Variants in HS2ST1 observed in about 807,000 individuals in gnomAD.
HS2ST1 encodes 2-O-sulfotransferase.
HS2ST1 carries 18 observed loss-of-function variants against 42.9 expected under a neutral mutation model. The ratio of observed to expected loss-of-function variants is 0.42; its 90% CI spans 0.29 to 0.62. The LOEUF (loss-of-function observed/expected upper bound fraction) is 0.62, where lower values mean the gene tolerates loss of function less well. Ranked by LOEUF, HS2ST1 falls within the 20% of genes least tolerant of loss-of-function variation. The pLI is 0.21. For synonymous variants in HS2ST1, 146 were observed against 152.9 expected, an observed-to-expected ratio of 0.95 and a Z score of 0.33; for missense variants, 334 against 433.8, an observed-to-expected ratio of 0.77 and a Z score of 2.04.
chr1:87,002,177 G>C (rs1201050038), intron 1 of HS2ST1, among the ~76,000 whole-genome samples: 1 of 152,194 alleles, frequency 6.6e-6, no homozygotes. Flanking sequence ...CTCCCAAAGT[G>C]CTGGGATTAC....
At chr1:87,019,250 C>T (rs754886043) in intron 1 of HS2ST1, among the ~76,000 whole-genome samples, 53 of 152,140 alleles carry the variant, frequency 3.5e-4, no homozygotes, top group Non-Finnish European at 6.3e-4. Flanking sequence ...AAGCAGGTTG[C>T]AGGTATCACA....
At chr1:87,000,004 C>T (rs1649235249) in intron 1 of HS2ST1, among the ~76,000 whole-genome samples, 2 of 152,020 alleles carry the variant, frequency 1.3e-5, no homozygotes, top group South Asian at 2.1e-4. Context: ...GCAAGTACAC[C>T]TTGCCTGTTG....
At chr1:86,974,303 T>A (rs1228500373) in intron 1 of HS2ST1, among the ~76,000 whole-genome samples, 7 of 152,130 alleles carry the variant, frequency 4.6e-5, no homozygotes, top group Non-Finnish European at 7.3e-5. Flanking sequence ...TGATGAATGC[T>A]AAAAATTATT....
intron 1 of HS2ST1, among the ~76,000 whole-genome samples, chr1:87,012,389 G>A (rs1649626518): frequency 6.6e-6 from 1 of 152,016 alleles, no homozygotes; most frequent in Non-Finnish European, 1.5e-5. Context: ...CTTGTGCAGG[G>A]GACAAGCTCT....
intron 1 of HS2ST1, among the ~76,000 whole-genome samples, chr1:87,042,980 A>G (rs1237227764): frequency 6.6e-6 from 1 of 152,126 alleles, no homozygotes; most frequent in African/African-American, 2.4e-5. Context: ...GTAGCCATTT[A>G]AAGTGAAGCT....
Position 86,921,826 on chromosome 1 carries a change from T to C in HS2ST1, c.124+6666T>C, listed in dbSNP as rs1252914834. On this transcript the variant is annotated intron_variant, in intron 1 of 6. Coordinates refer to ENST00000370550, the MANE Select transcript of HS2ST1 (RefSeq NM_012262.4). ...GGACTATGATACTTACTTTGTCTAATACTAATACAGACACTTCAGTTTTCT... is the reference window on the plus strand; with the variant it reads ...GGACTATGATACTTACTTTGTCTAACACTAATACAGACACTTCAGTTTTCT... 3.9e-5 allele frequency among the ~76,000 whole-genome samples: 6 copies of C among 152,366 alleles called. No homozygotes were observed. In the South Asian group the frequency reaches 8.3e-4, roughly 21 times the overall value.
Position 87,062,241 on chromosome 1 carries a change from CTTCTG to C in HS2ST1, c.125-10685_125-10681del, listed in dbSNP as rs557246753. On this transcript the variant is annotated intron_variant, in intron 1 of 6. Transcript: ENST00000370550. ...TCCCTTGACATTTCTATTTATTTGT[CTTCTG>C]TTCTGTTTTTTTCACTTCTGTTTTC... is the stretch of plus-strand genomic sequence containing the variant. Among the ~76,000 whole-genome samples the C allele has an allele frequency of 1.6e-3, 236 of 151,840 alleles. 2 individuals are homozygous for C. The highest frequency in any genetic ancestry group is 5.1e-3 in the African/African-American group (213 of 41,410).
chr1:86,982,705 G>A lies in HS2ST1; in HGVS notation c.124+67545G>A, dbSNP rs548588128. On this transcript the variant is annotated intron_variant, in intron 1 of 6. Transcript: ENST00000370550. ...AATTTTTTGTATTTTTGTTAGAGAT[G>A]GGATTTCACCGTGTTAGCCAGGATG... is the stretch of plus-strand genomic sequence containing the variant. Among the ~76,000 whole-genome samples, 7 of 152,130 alleles carry A rather than the reference G, an allele frequency of 4.6e-5. No homozygotes were observed. In the South Asian group the frequency reaches 1.5e-3, roughly 32 times the overall value.
rs556110247 is a variant in HS2ST1, at chr1:86,927,095, T to TG, written c.124+11936dup. 1.1e-4 allele frequency among the ~76,000 whole-genome samples: 16 copies of TG among 152,296 alleles called. No homozygotes were observed. The South Asian group carries it at 3.3e-3, about 32-fold the overall frequency. ...TTCTTGAGCTAACTGGTCACATTCT[T>TG]GCTGGGTGTGGCTGGATAAATAGTT... On this transcript the variant is annotated intron_variant, in intron 1 of 6. Transcript: ENST00000370550.
chr1:87,030,579 A>T lies in HS2ST1; in HGVS notation c.125-42355A>T, dbSNP rs185833186. 3.1e-3 allele frequency among the ~76,000 whole-genome samples: 477 copies of T among 152,276 alleles called. 1 individual carries two copies. The highest frequency in any genetic ancestry group is 5.2e-3 in the Non-Finnish European group (352 of 68,020). ...CTCCACTTGAAATAAAAATAAGTTA[A>T]TTCAGTATTTTGAAGAAATCAGAGT... On this transcript the variant is annotated intron_variant, in intron 1 of 6. Coordinates refer to ENST00000370550, the MANE Select transcript of HS2ST1 (RefSeq NM_012262.4).
intron 1 of HS2ST1, among the ~76,000 whole-genome samples, chr1:86,951,503 C>G (rs1464816675): frequency 6.6e-6 from 1 of 152,050 alleles, no homozygotes. Context: ...TCTAAAGAAA[C>G]AATGCACATA....
Position 86,964,164 on chromosome 1 carries a change from G to A in HS2ST1, c.124+49004G>A, listed in dbSNP as rs537174885. Among the ~76,000 whole-genome samples the A allele has an allele frequency of 7.2e-5, 11 of 151,954 alleles. No homozygotes were observed. In the East Asian group the frequency reaches 1.6e-3, roughly 22 times the overall value. On this transcript the variant is annotated intron_variant, in intron 1 of 6. Coordinates refer to ENST00000370550, the MANE Select transcript of HS2ST1 (RefSeq NM_012262.4). ...TCACTTCCTAGACGGGATGGCGGCC[G>A]GGAAGAGGCGCTCCTCACTTCCCAG...
At chr1:87,069,391 T>C (rs1651343569) in intron 1 of HS2ST1, among the ~76,000 whole-genome samples, 1 of 152,186 alleles carries the variant, frequency 6.6e-6, no homozygotes, top group South Asian at 2.1e-4. Context: ...TAAGAAAGCC[T>C]CACAAGAGGC....
At chr1:87,101,118 C>G (rs938389921) in intron 5 of HS2ST1, among the ~76,000 whole-genome samples, 41 of 140,236 alleles carry the variant, frequency 2.9e-4, no homozygotes, top group Non-Finnish European at 3.2e-4. Flanking sequence ...TGCCAGATGT[C>G]CTAAGTCATC....
intron 1 of HS2ST1, among the ~76,000 whole-genome samples, chr1:87,055,767 T>C (rs1385537496): frequency 6.6e-6 from 1 of 152,214 alleles, no homozygotes; most frequent in Non-Finnish European, 1.5e-5. Flanking sequence ...GCATTGGTGG[T>C]ACCAAACTGT....
chr1:86,993,076 C>T, intron 1 of HS2ST1: 1 of 1,593,812 alleles, frequency 6.3e-7, no homozygotes, highest in Non-Finnish European at 8.6e-7. Context: ...CAAGTCTTTC[C>T]TGTACATGCT....
intron 1 of HS2ST1, among the ~76,000 whole-genome samples, chr1:86,925,372 G>A (rs1375629328): frequency 1.3e-5 from 2 of 152,018 alleles, no homozygotes; most frequent in African/African-American, 4.8e-5. Flanking sequence ...CACATTTTTG[G>A]GTATCTTTTC....
rs1660095735 is a variant in HS2ST1, at chr1:86,914,666, C to T, written c.-371C>T. On this transcript the variant is annotated 5_prime_UTR_variant, in exon 1 of 7. Coordinates refer to ENST00000370550, the MANE Select transcript of HS2ST1 (RefSeq NM_012262.4). ...GCAGCGCCGGTGGAGGGGCGCGCGG[C>T]CGCGAGCAAAGGAGGGAGGGAAGGA... 9.0e-6 allele frequency: 2 copies of T among 222,436 alleles called. No homozygotes were observed. Among genetic ancestry groups the T allele is most frequent in the Admixed American group, 1.1e-4 (2 of 18,696 alleles). The allele number at this position is 222,436 out of a possible 1,614,324, so 13.8% of individuals were successfully genotyped here.
chr1:87,017,435 C>T (rs1031779363), intron 1 of HS2ST1, among the ~76,000 whole-genome samples: 2 of 152,162 alleles, frequency 1.3e-5, no homozygotes, highest in Non-Finnish European at 1.5e-5. Context: ...CCACACCCGG[C>T]CTCTCTCTTT....
Sources: gnomAD v4.1 joint callset for allele counts (sites outside exome capture counted in the v4.1 genomes callset) on GRCh38, gnomAD v4.1.1 for gene constraint, MANE v1.5 for transcripts, NCBI Gene and HGNC (gene_info 2026-07-23, HGNC 2026-07-21) for gene names.